PSMD11: variants seen among roughly 807,000 people sequenced by gnomAD.
PSMD11 encodes proteasome 26S subunit, non-ATPase 11, also known as 26S proteasome non-ATPase regulatory subunit 11.
PSMD11 carries 5 observed loss-of-function variants against 62.3 expected under a neutral mutation model. The observed-to-expected ratio is 0.08, with a 90% confidence interval of 0.04 to 0.17. The LOEUF (loss-of-function observed/expected upper bound fraction) is 0.17, where lower values mean the gene tolerates loss of function less well. Among genes scored for constraint, PSMD11 ranks in the 10% least tolerant of loss-of-function variants. The pLI is 1.00. For missense variants in PSMD11, 310 were observed against 512.9 expected (o/e 0.60, Z 3.82); for synonymous variants, 191 against 191.8 (o/e 1.00, Z 0.03).
Position 32,474,179 on chromosome 17 carries a change from G to A in PSMD11, c.788+234G>A, listed in dbSNP as rs958588184. On this transcript the variant is annotated intron_variant, in intron 7 of 13. Transcript: ENST00000261712. ...AGAAATCCCCTTCCCAGCTCCTCTT[G>A]GAGAATTCTCCTCATCCTTTAAATA... The A allele has an allele frequency of 5.4e-6, 3 of 556,162 alleles. No individual in the cohort carries two copies. The African/African-American group carries it at 5.7e-5, about 11-fold the overall frequency. The allele number at this position is 556,162 out of a possible 1,614,324, so 34.5% of individuals were successfully genotyped here. A position where few individuals can be genotyped will look rare whatever the true frequency, so the allele number is the denominator to read the frequency against.
In PSMD11 at chr17:32,479,739, C is replaced by G. The variant is rs116402094; in HGVS notation, c.1039-112C>G. The G allele has an allele frequency of 3.9e-6, 5 of 1,295,312 alleles. No individual in the cohort carries two copies. In the Admixed American group the frequency reaches 9.0e-5, roughly 23 times the overall value. 80.2% of individuals were successfully genotyped at this position (1,295,312 alleles called of 1,614,324 possible). On this transcript the variant is annotated intron_variant, in intron 10 of 13. Coordinates refer to ENST00000261712, the MANE Select transcript of PSMD11 (RefSeq NM_002815.4). ...AGACTTAAGCACGGCCAAGGAGGGTCTTACATTAGAATTTTGAGAAATACA... is the reference window on the plus strand; with the variant it reads ...AGACTTAAGCACGGCCAAGGAGGGTGTTACATTAGAATTTTGAGAAATACA...
At chr17:32,468,769 G>T (rs745762692) in intron 5 of PSMD11, among the ~76,000 whole-genome samples, 5 of 152,130 alleles carry the variant, frequency 3.3e-5, no homozygotes, top group African/African-American at 1.2e-4. Flanking sequence ...AGGACTGTTG[G>T]CTCTAATATT....
chr17:32,460,650 G>C (rs145657264), intron 3 of PSMD11, among the ~76,000 whole-genome samples: 2,089 of 151,666 alleles, frequency 0.014, 16 homozygotes, highest in Middle Eastern at 0.02. Context: ...GCGGGCGCCT[G>C]AAGTCCCAGC....
intron 2 of PSMD11, among the ~76,000 whole-genome samples, chr17:32,453,431 A>G (rs1478556454): frequency 6.6e-6 from 1 of 152,212 alleles, no homozygotes; most frequent in African/African-American, 2.4e-5. Context: ...AAAAGTTTTA[A>G]ACATTGGGAA....
chr17:32,474,130 C>T, intron 7 of PSMD11, 185 bp downstream of exon 7: 1 of 621,090 alleles, frequency 1.6e-6, no homozygotes, highest in Non-Finnish European at 2.8e-6. Flanking sequence ...GCTTGCTAGT[C>T]TTTCAGAATC....
intron 13 of PSMD11, 40 bp from the exon 14 acceptor site, chr17:32,480,713 C>T: frequency 1.3e-6 from 2 of 1,492,536 alleles, no homozygotes; most frequent in Non-Finnish European, 1.8e-6. Flanking sequence ...CTGGTGTCCT[C>T]ATGGCTTCCT....
rs761593724 is a variant in PSMD11 at position 32,480,646 on chromosome 17, C to T, written c.*15C>T. On this transcript the variant is annotated intron_variant, in intron 13 of 13. Transcript: ENST00000261712. ...AACTGACATAGGTGAGTGCTGGCTT[C>T]AGGACCCCAGGGCTGGGCAGCTCTG... 47 of 1,613,892 alleles carry T rather than the reference C, an allele frequency of 2.9e-5. No homozygotes were observed. Among genetic ancestry groups the T allele is most frequent in the Admixed American group, 2.7e-4 (16 of 60,018 alleles).
At position 32,469,092 on chromosome 17, in the gene PSMD11, G is replaced by A. The variant is rs753819763; in HGVS notation, c.542G>A (p.Ser181Asn). The change falls in exon 6 of 14, where the codon AGC becomes AAC. Residue 181 changes from serine (S) to asparagine (N), a missense_variant. Transcript: ENST00000261712. ...LLESKTYHAL[S>N]NLPKARAALT... is the part of the protein sequence containing the mutation. ...GAAAGCAAAACATACCATGCCCTGA[G>A]CAACCTGCCGAAAGCCCGAGCTGCC... 2 of 1,614,120 alleles carry A rather than the reference G, an allele frequency of 1.2e-6. No individual in the cohort carries two copies. The highest frequency in any genetic ancestry group is 2.2e-5 in the South Asian group (2 of 91,088).
chr17:32,468,600 T>C (rs1013757463), intron 5 of PSMD11, among the ~76,000 whole-genome samples: 6 of 152,232 alleles, frequency 3.9e-5, no homozygotes, highest in African/African-American at 1.4e-4. Flanking sequence ...TAGAACTCTT[T>C]ACTTCCTTCA....
Position 32,479,859 on chromosome 17 carries a change from C to T in PSMD11, c.1047C>T (p.His349=), listed in dbSNP as rs770410860. Residue 349 remains histidine (H), a synonymous_variant, in exon 11 of 14, where the codon CAC becomes CAT. Coordinates refer to ENST00000261712, the MANE Select transcript of PSMD11 (RefSeq NM_002815.4). The part of the protein sequence containing the change: ...IEPFSRVQIE[H]ISSLIKLSKA... Reference sequence around the variant, plus strand: ...TCTGCCTTTCCTTTTAGATTGAACACATATCTAGTCTCATCAAACTCTCCA... The same window carrying T: ...TCTGCCTTTCCTTTTAGATTGAACATATATCTAGTCTCATCAAACTCTCCA... The T allele has an allele frequency of 6.2e-7, 1 of 1,613,708 alleles. No individual in the cohort carries two copies. Among genetic ancestry groups the T allele is most frequent in the Non-Finnish European group, 8.5e-7 (1 of 1,179,648 alleles).
rs1907274254 is a variant in PSMD11, at chr17:32,444,767, C to T, written c.91+153C>T. 1.2e-5 allele frequency: 10 copies of T among 838,192 alleles called. No homozygotes were observed. The East Asian group carries it at 2.8e-4, about 24-fold the overall frequency. 51.9% of individuals were successfully genotyped at this position (838,192 alleles called of 1,614,324 possible). ...CCGGGGGCGCAGGCCGCTCGGAGCT[C>T]CCCAGAGCCTCCCAGGTCTCACTCT... On this transcript the variant is annotated intron_variant, in intron 1 of 13. Coordinates refer to ENST00000261712, the MANE Select transcript of PSMD11 (RefSeq NM_002815.4).
intron 1 of PSMD11, among the ~76,000 whole-genome samples, chr17:32,446,374 C>T (rs1907333012): frequency 6.6e-6 from 1 of 152,178 alleles, no homozygotes; most frequent in Non-Finnish European, 1.5e-5. Flanking sequence ...CTAAGTGTAG[C>T]TGTGCAGGAT....
At chr17:32,471,853 C>A (rs545297063) in intron 6 of PSMD11, among the ~76,000 whole-genome samples, 3 of 151,726 alleles carry the variant, frequency 2.0e-5, no homozygotes, top group Non-Finnish European at 4.4e-5. Flanking sequence ...TGTCAAATTG[C>A]TGACTATGGT....
intron 3 of PSMD11, among the ~76,000 whole-genome samples, chr17:32,459,094 T>G (rs1907735100): frequency 9.3e-6 from 1 of 107,420 alleles, no homozygotes. Context: ...AGAGTGAGAG[T>G]GTCTCAAAAA....
Position 32,455,775 on chromosome 17 carries a change from A to T in PSMD11, c.318+1156A>T, listed in dbSNP as rs999123895. Among the ~76,000 whole-genome samples the T allele has an allele frequency of 2.6e-5, 4 of 152,338 alleles. No homozygotes were observed. In the South Asian group the frequency reaches 6.2e-4, roughly 24 times the overall value. On this transcript the variant is annotated intron_variant, in intron 3 of 13. Coordinates refer to ENST00000261712, the MANE Select transcript of PSMD11 (RefSeq NM_002815.4). ...GATGGCTATTTTGAATTAAAGTGTC[A>T]GTTATTTTAATGAAAAAATTAAAAG...
chr17:32,460,218 C>G (rs1364801737), intron 3 of PSMD11, among the ~76,000 whole-genome samples: 2 of 151,970 alleles, frequency 1.3e-5, no homozygotes, highest in African/African-American at 4.8e-5. Context: ...ACCACTACAC[C>G]TGGCTAATTA....
chr17:32,476,139 G>T (rs1265489912), intron 8 of PSMD11, among the ~76,000 whole-genome samples: 1 of 152,000 alleles, frequency 6.6e-6, no homozygotes, highest in Non-Finnish European at 1.5e-5. Context: ...TAGTGCATTG[G>T]TGGCTGTAAT....
chr17:32,479,821 G>A (rs777619650), intron 10 of PSMD11, 30 bp from the exon 11 acceptor site: 2 of 1,609,270 alleles, frequency 1.2e-6, no homozygotes, highest in Admixed American at 1.7e-5. Context: ...AAAACTTTCA[G>A]TGTTGGTGTC....
intron 5 of PSMD11, among the ~76,000 whole-genome samples, 177 bp downstream of exon 5, chr17:32,464,755 ACTAG>A (rs2150834804): frequency 6.6e-6 from 1 of 152,338 alleles, no homozygotes; most frequent in South Asian, 2.1e-4. Context: ...AGTTTAAAAA[ACTAG>A]CTAGAGTTAA....
Sources: gnomAD v4.1 joint callset for allele counts (sites outside exome capture counted in the v4.1 genomes callset) on GRCh38, gnomAD v4.1.1 for gene constraint, MANE v1.5 for transcripts, NCBI Gene and HGNC (gene_info 2026-07-23, HGNC 2026-07-21) for gene names.